Variants in CA8 observed in about 807,000 individuals in gnomAD.
CA8 encodes the protein carbonic anhydrase 8 (inactive).
Under a neutral mutation model 41.4 loss-of-function variants are expected in CA8, and 22 were observed. The ratio of observed to expected loss-of-function variants is 0.53; its 90% CI spans 0.38 to 0.76. CA8 has a LOEUF of 0.76. Among genes scored for constraint, CA8 ranks in the 30% least tolerant of loss-of-function variants. CA8 has a pLI of 0.00. For missense variants in CA8, 270 were observed against 352.8 expected (o/e 0.77, Z 1.88); for synonymous variants, 121 against 130.6 (o/e 0.93, Z 0.50).
chr8:60,211,671 A>G (rs965474473), intron 7 of CA8, among the ~76,000 whole-genome samples: 3 of 152,228 alleles, frequency 2.0e-5, no homozygotes, highest in African/African-American at 7.2e-5. Context: ...CCAGTCTCAA[A>G]TCACTGTACT....
At chr8:60,268,878 G>A (rs1471904122) in intron 2 of CA8, among the ~76,000 whole-genome samples, 1 of 152,104 alleles carries the variant, frequency 6.6e-6, no homozygotes, top group Non-Finnish European at 1.5e-5. Context: ...TTACAATAAA[G>A]TAATTATATT....
intron 7 of CA8, among the ~76,000 whole-genome samples, chr8:60,212,193 A>G (rs75606087): frequency 6.6e-6 from 1 of 152,178 alleles, no homozygotes; most frequent in African/African-American, 2.4e-5. Context: ...ATTTATTCCA[A>G]TCTTCACTGC....
intron 7 of CA8, among the ~76,000 whole-genome samples, chr8:60,213,420 ACT>A (rs1206796045): frequency 6.6e-6 from 1 of 152,232 alleles, no homozygotes; most frequent in African/African-American, 2.4e-5. Context: ...CACTTAAGAC[ACT>A]GAGAAAATAC....
intron 7 of CA8, 126 bp from the exon 8 acceptor site, chr8:60,209,045 A>G: frequency 9.3e-7 from 1 of 1,079,270 alleles, no homozygotes; most frequent in Non-Finnish European, 1.3e-6. Flanking sequence ...AATTAAAATT[A>G]AGCTTCAAAA....
At position 60,222,721 on chromosome 8, in the gene CA8, G is replaced by A; in HGVS notation, c.666C>T (p.Leu222=). The change falls in exon 7 of 9, where the codon CTC becomes CTT. Residue 222 remains leucine, a synonymous_variant. Coordinates refer to ENST00000317995, the MANE Select transcript of CA8 (RefSeq NM_004056.6). ...LRDYWVYEGS[L]TIPPCSEGVT... ...CACCTTCACTGCAAGGTGGGATGGT[G>A]AGAGAGCCTTCATACACCCAGTAAT... 1 of 1,613,950 alleles carries A rather than the reference G, an allele frequency of 6.2e-7. No individual in the cohort carries two copies. The highest frequency in any genetic ancestry group is 2.2e-5 in the East Asian group (1 of 44,880).
At position 60,189,868 on chromosome 8, in the gene CA8, G is replaced by A. The variant is rs1736451657; in HGVS notation, c.*153C>T. The A allele has an allele frequency of 6.6e-6, 1 of 152,310 alleles. No homozygotes were observed. The highest frequency in any genetic ancestry group is 6.6e-5 in the Admixed American group (1 of 15,214). 9.4% of individuals were successfully genotyped at this position (152,310 alleles called of 1,614,324 possible). On this transcript the variant is annotated 3_prime_UTR_variant, in exon 9 of 9. Coordinates refer to ENST00000317995, the MANE Select transcript of CA8 (RefSeq NM_004056.6). ...AAGTGTACAGGCAACCATCACAGAT[G>A]TCCATCAAAGCTGGATTAGATGAAG...
chr8:60,214,769 A>G (rs1480109520), intron 7 of CA8, among the ~76,000 whole-genome samples: 2 of 152,196 alleles, frequency 1.3e-5, no homozygotes, highest in African/African-American at 4.8e-5. Flanking sequence ...CATGGAATGC[A>G]GAGGGAATGA....
rs906352259 is a variant in CA8 at position 60,188,972 on chromosome 8, A to T, written c.*1049T>A. ...TTTTGAAGTCATTCATTTTACAATT[A>T]TAACAACAATAACAATAATATTTAT... is the stretch of plus-strand genomic sequence containing the variant. On this transcript the variant is annotated 3_prime_UTR_variant, in exon 9 of 9. Coordinates refer to ENST00000317995, the MANE Select transcript of CA8 (RefSeq NM_004056.6). The T allele has an allele frequency of 6.6e-6, 1 of 152,166 alleles. No individual in the cohort carries two copies. Among genetic ancestry groups the T allele is most frequent in the Non-Finnish European group, 1.5e-5 (1 of 68,036 alleles). The allele number at this position is 152,166 out of a possible 1,614,324, so 9.4% of individuals were successfully genotyped here.
Position 60,233,664 on chromosome 8 carries a change from T to C in CA8, c.418-1285A>G, listed in dbSNP as rs75605849. Among the ~76,000 whole-genome samples, 457 of 152,326 alleles carry C rather than the reference T, an allele frequency of 3.0e-3. 1 individual carries two copies. Among genetic ancestry groups the C allele is most frequent in the African/African-American group, 0.01 (424 of 41,570 alleles). Reference sequence around the variant, plus strand: ...AGCATAGGAGTCCTAGTGGTAGAGGTAAGAACTGATTGCCTTAATTAAACC... The same window carrying C: ...AGCATAGGAGTCCTAGTGGTAGAGGCAAGAACTGATTGCCTTAATTAAACC... On this transcript the variant is annotated intron_variant, in intron 3 of 8. Transcript: ENST00000317995.
chr8:60,214,503 C>G (rs892872964), intron 7 of CA8, among the ~76,000 whole-genome samples: 3 of 152,174 alleles, frequency 2.0e-5, no homozygotes, highest in South Asian at 2.1e-4. Context: ...AACAAATGTT[C>G]CCAATCATTT....
chr8:60,276,896 A>T (rs948518395), intron 2 of CA8, among the ~76,000 whole-genome samples: 8 of 152,124 alleles, frequency 5.3e-5, no homozygotes, highest in Non-Finnish European at 1.2e-4. Context: ...AGGTGGGCGG[A>T]TCACCTGAGG....
chr8:60,219,929 T>TAA (rs546162939), intron 7 of CA8, among the ~76,000 whole-genome samples: 1,565 of 81,720 alleles, frequency 0.019, 58 homozygotes, highest in African/African-American at 0.033. Context: ...AATCTTAACT[T>TAA]AAAAAAAAAA....
chr8:60,266,555 A>C (rs747120267), intron 2 of CA8, among the ~76,000 whole-genome samples: 25 of 152,244 alleles, frequency 1.6e-4, no homozygotes, highest in Non-Finnish European at 3.4e-4. Context: ...GCATTAAGTC[A>C]ATCAATAATG....
intron 3 of CA8, among the ~76,000 whole-genome samples, chr8:60,238,550 C>A (rs1159818342): frequency 6.6e-6 from 1 of 152,112 alleles, no homozygotes; most frequent in Non-Finnish European, 1.5e-5. Context: ...CCCCTCCTGC[C>A]CCGCTTGCCA....
At chr8:60,212,710 G>A (rs1041698710) in intron 7 of CA8, among the ~76,000 whole-genome samples, 2 of 152,142 alleles carry the variant, frequency 1.3e-5, no homozygotes, top group African/African-American at 2.4e-5. Flanking sequence ...ATAAGTCCTC[G>A]AGGTCTCCTA....
chr8:60,244,744 G>A (rs932155929), intron 3 of CA8, among the ~76,000 whole-genome samples: 3 of 152,136 alleles, frequency 2.0e-5, no homozygotes, highest in Non-Finnish European at 4.4e-5. Context: ...GCATGTATCT[G>A]AAAATGTTTT....
Position 60,216,513 on chromosome 8 carries a change from T to C in CA8, c.738+6136A>G, listed in dbSNP as rs575282097. Among the ~76,000 whole-genome samples, 8 of 152,320 alleles carry C rather than the reference T, an allele frequency of 5.3e-5. No homozygotes were observed. The South Asian group carries it at 1.2e-3, about 24-fold the overall frequency. On this transcript the variant is annotated intron_variant, in intron 7 of 8. Coordinates refer to ENST00000317995, the MANE Select transcript of CA8 (RefSeq NM_004056.6). ...GATTATTCCTTCTAATATGCATTCA[T>C]TCAGCTTCGGCTCCCCTGTGGTAAG...
chr8:60,281,064 C>T lies in CA8; in HGVS notation c.84G>A (p.Glu28=). The T allele has an allele frequency of 6.2e-7, 1 of 1,611,212 alleles. No homozygotes were observed. The highest frequency in any genetic ancestry group is 8.5e-7 in the Non-Finnish European group (1 of 1,179,238). The change falls in exon 1 of 9, where the codon GAG becomes GAA. Residue 28 remains glutamate, a synonymous_variant. Transcript: ENST00000317995. Reference sequence around the variant, plus strand: ...GCCACTTACCTTCCTCGTAGCCCCACTCCACACCCTCCTCTTCTTCCTCCT... The same window carrying T: ...GCCACTTACCTTCCTCGTAGCCCCATTCCACACCCTCCTCTTCTTCCTCCT... ...EDEEEEEEGV[E]WGYEEGVEWG...
At chr8:60,194,057 T>C (rs780844945) in intron 8 of CA8, among the ~76,000 whole-genome samples, 1 of 152,226 alleles carries the variant, frequency 6.6e-6, no homozygotes, top group Non-Finnish European at 1.5e-5. Flanking sequence ...TCTGCTATCA[T>C]GCTTTCAGTT....
Sources: allele counts gnomAD v4.1 joint callset (sites outside exome capture counted in the v4.1 genomes callset), GRCh38; gene constraint gnomAD v4.1.1; transcripts MANE v1.5; gene names NCBI Gene and HGNC (gene_info 2026-07-23, HGNC 2026-07-21).